The following SLC38A2 variants were observed in gnomAD, a reference collection of about 807,000 sequenced individuals.
SLC38A2 encodes the protein solute carrier family 38 member 2, also known as sodium-coupled neutral amino acid symporter 2.
SLC38A2 carries 11 observed loss-of-function variants against 61.5 expected under a neutral mutation model. That is an observed-to-expected ratio of 0.18 (90% CI 0.11 to 0.30). The LOEUF is 0.30. Among genes scored for constraint, SLC38A2 ranks in the 10% least tolerant of loss-of-function variants. The pLI is 1.00. For synonymous variants in SLC38A2, 217 were observed against 212.5 expected, an observed-to-expected ratio of 1.02 and a Z score of -0.18; for missense variants, 522 against 600.4, an observed-to-expected ratio of 0.87 and a Z score of 1.36.
In SLC38A2 at chr12:46,361,013, AG is replaced by A; in HGVS notation, c.*97del. On this transcript the variant is annotated 3_prime_UTR_variant, in exon 16 of 16. Coordinates refer to ENST00000256689, the MANE Select transcript of SLC38A2 (RefSeq NM_018976.5). The stretch of plus-strand genomic sequence containing the variant: ...ACCAGCGAGGAATCTGCACTTCAAA[AG>A]GAAGTGAAACTGAAAACATTAGGTG... The A allele has an allele frequency of 3.4e-6, 3 of 888,696 alleles. No individual in the cohort carries two copies. The highest frequency in any genetic ancestry group is 3.5e-6 in the Non-Finnish European group (2 of 566,020). The allele number at this position is 888,696 out of a possible 1,614,324, so 55.1% of individuals were successfully genotyped here. A position where few individuals can be genotyped will look rare whatever the true frequency, so the allele number is the denominator to read the frequency against.
intron 14 of SLC38A2, 41 bp from the exon 15 acceptor site, chr12:46,362,422 C>T (rs544306030): frequency 1.3e-6 from 2 of 1,595,922 alleles, no homozygotes; most frequent in African/African-American, 1.4e-5. Flanking sequence ...TTCAATGAAC[C>T]ACTCGTCATT....
At chr12:46,367,407 T>C (rs1943150461) in intron 4 of SLC38A2, 67 bp from the exon 5 acceptor site, 1 of 880,770 alleles carries the variant, frequency 1.1e-6, no homozygotes, top group South Asian at 1.4e-5. Flanking sequence ...CAACTCTTTC[T>C]GGATGTTTAA....
At chr12:46,370,453 AAT>A (rs1369143187) in intron 4 of SLC38A2, 57 bp downstream of exon 4, 4 of 1,302,210 alleles carry the variant, frequency 3.1e-6, no homozygotes, top group African/African-American at 2.9e-5. Context: ...CTGGAGCCAA[AAT>A]ATGTTTTACC....
In SLC38A2 at chr12:46,365,855, C is replaced by G. The variant is rs1943134102; in HGVS notation, c.564-666G>C. On this transcript the variant is annotated intron_variant, in intron 7 of 15. Coordinates refer to ENST00000256689, the MANE Select transcript of SLC38A2 (RefSeq NM_018976.5). ...GAAAACATTATGTATATCCTCTAAG[C>G]CTTTTTCTTTTTAGGTAAATCATGA... Among the ~76,000 whole-genome samples the G allele has an allele frequency of 2.6e-5, 4 of 152,210 alleles. No individual in the cohort carries two copies. In the South Asian group the frequency reaches 8.3e-4, roughly 32 times the overall value.
intron 4 of SLC38A2, among the ~76,000 whole-genome samples, chr12:46,368,112 T>A (rs1363812872): frequency 2.7e-5 from 4 of 148,486 alleles, no homozygotes; most frequent in Non-Finnish European, 6.0e-5. Flanking sequence ...ACTGTCTTTT[T>A]AAAAAAAAAA....
Position 46,359,908 on chromosome 12 carries a change from T to C in SLC38A2, c.*1203A>G, listed in dbSNP as rs1316171188. Reference sequence around the variant, plus strand: ...AAAGCTTACTGCATGAGAAACCCAGTGGCCTACGCAAAGAGAACTTATATC... The same window carrying C: ...AAAGCTTACTGCATGAGAAACCCAGCGGCCTACGCAAAGAGAACTTATATC... On this transcript the variant is annotated 3_prime_UTR_variant, in exon 16 of 16. Coordinates refer to ENST00000256689, the MANE Select transcript of SLC38A2 (RefSeq NM_018976.5). 1 of 152,680 alleles carries C rather than the reference T, an allele frequency of 6.5e-6. No individual in the cohort carries two copies. The highest frequency in any genetic ancestry group is 6.5e-5 in the Admixed American group (1 of 15,282). The allele number at this position is 152,680 out of a possible 1,614,324, so 9.5% of individuals were successfully genotyped here. A position where few individuals can be genotyped will look rare whatever the true frequency, so the allele number is the denominator to read the frequency against.
At chr12:46,368,987 G>A (rs1003831750) in intron 4 of SLC38A2, among the ~76,000 whole-genome samples, 3 of 152,154 alleles carry the variant, frequency 2.0e-5, no homozygotes, top group Admixed American at 6.5e-5. Flanking sequence ...AGTAAGTACT[G>A]ATGAATAAAA....
chr12:46,365,605 A>T (rs1803058224), intron 7 of SLC38A2, among the ~76,000 whole-genome samples: 1 of 152,192 alleles, frequency 6.6e-6, no homozygotes, highest in Non-Finnish European at 1.5e-5. Context: ...GGAAACTAAA[A>T]AATTTTAAAA....
Position 46,359,799 on chromosome 12 carries a change from C to G in SLC38A2, c.*1312G>C, listed in dbSNP as rs1943061595. On this transcript the variant is annotated 3_prime_UTR_variant, in exon 16 of 16. Transcript: ENST00000256689. ...TAACACTCAGTTTGCACTGTTTTCC[C>G]TAGCTAACCATTTGTTGGATGTAAA... The G allele has an allele frequency of 6.6e-6, 1 of 152,624 alleles. No individual in the cohort carries two copies. Among genetic ancestry groups the G allele is most frequent in the African/African-American group, 2.4e-5 (1 of 41,456 alleles). 9.5% of individuals were successfully genotyped at this position (152,624 alleles called of 1,614,324 possible).
intron 2 of SLC38A2, 64 bp from the exon 3 acceptor site, chr12:46,370,921 A>C (rs1431019737): frequency 1.5e-5 from 19 of 1,257,868 alleles, no homozygotes; most frequent in Non-Finnish European, 1.7e-5. Context: ...TACACACAAG[A>C]CTGCTTTAAC....
chr12:46,364,332 G>A (rs2120538640), intron 10 of SLC38A2, 57 bp downstream of exon 10: 2 of 1,481,966 alleles, frequency 1.3e-6, no homozygotes, highest in East Asian at 4.6e-5. Flanking sequence ...GGAGTGAATA[G>A]CTTCCCTCTT....
At position 46,370,659 on chromosome 12, in the gene SLC38A2, T is replaced by C. The variant is rs565938439; in HGVS notation, c.199-32A>G. 2.9e-5 allele frequency: 46 copies of C among 1,571,858 alleles called. No homozygotes were observed. The highest frequency in any genetic ancestry group is 1.5e-4 in the Admixed American group (9 of 59,248). On this transcript the variant is annotated intron_variant, in intron 3 of 15. Transcript: ENST00000256689. ...AGAGGGAAAACGATAACCAAACATATAACAATAATTAAATGGAGAAAACCA... is the reference window on the plus strand; with the variant it reads ...AGAGGGAAAACGATAACCAAACATACAACAATAATTAAATGGAGAAAACCA...
chr12:46,371,914 A>AG (rs1745616064), intron 1 of SLC38A2, among the ~76,000 whole-genome samples: 1 of 152,106 alleles, frequency 6.6e-6, no homozygotes, highest in African/African-American at 2.4e-5. Flanking sequence ...TCCTCTCTCG[A>AG]GGGGGGCGAA....
At position 46,361,221 on chromosome 12, in the gene SLC38A2, A is replaced by G; in HGVS notation, c.1423-12T>C. On this transcript the variant is annotated splice_polypyrimidine_tract_variant and intron_variant, in intron 15 of 15. Coordinates refer to ENST00000256689, the MANE Select transcript of SLC38A2 (RefSeq NM_018976.5). ...AGGAAGAACAAAGCCTGCAAAGAGC[A>G]TAGAGAAAATTGATCAGCAAGTAAT... 1 of 1,607,156 alleles carries G rather than the reference A, an allele frequency of 6.2e-7. No homozygotes were observed. The highest frequency in any genetic ancestry group is 8.5e-7 in the Non-Finnish European group (1 of 1,175,214).
intron 3 of SLC38A2, 38 bp downstream of exon 3, chr12:46,370,738 T>C: frequency 6.4e-7 from 1 of 1,561,552 alleles, no homozygotes; most frequent in South Asian, 1.1e-5. Context: ...TTTTACTCCA[T>C]AAAGCCACTG....
At chr12:46,367,519 G>T in intron 4 of SLC38A2, 179 bp from the exon 5 acceptor site, 1 of 599,732 alleles carries the variant, frequency 1.7e-6, no homozygotes, top group East Asian at 2.8e-5. Context: ...CTCTTGGCTG[G>T]CAGTAAAAAC....
chr12:46,366,961 AT>A lies in SLC38A2; in HGVS notation c.482-17del. Reference sequence around the variant, plus strand: ...CTTGACATAGCTGGAGGAAAACAAAATTATACCATTACAAGTGCAAAACGCG... The same window carrying A: ...CTTGACATAGCTGGAGGAAAACAAAATATACCATTACAAGTGCAAAACGCG... On this transcript the variant is annotated splice_polypyrimidine_tract_variant and intron_variant, in intron 6 of 15. Transcript: ENST00000256689. 6.2e-7 allele frequency: 1 copy of A among 1,611,898 alleles called. No homozygotes were observed.
At chr12:46,363,898 A>G in intron 11 of SLC38A2, 26 bp downstream of exon 11, 1 of 1,596,130 alleles carries the variant, frequency 6.3e-7, no homozygotes. Flanking sequence ...TATTTTCTCA[A>G]ATTTATGTAA....
chr12:46,369,758 A>G (rs1480948248), intron 4 of SLC38A2, among the ~76,000 whole-genome samples: 1 of 152,188 alleles, frequency 6.6e-6, no homozygotes. Flanking sequence ...AGAGTCAGTG[A>G]CGCAAAAATG....
Sources: allele counts gnomAD v4.1 joint callset (sites outside exome capture counted in the v4.1 genomes callset), GRCh38; gene constraint gnomAD v4.1.1; transcripts MANE v1.5; gene names NCBI Gene and HGNC (gene_info 2026-07-23, HGNC 2026-07-21).